GTF2IRD1: variants seen among roughly 807,000 people sequenced by gnomAD.
GTF2IRD1 encodes the protein GTF2I repeat domain containing 1.
Under a neutral mutation model 113.2 loss-of-function variants are expected in GTF2IRD1, and 26 were observed. That is an observed-to-expected ratio of 0.23 (90% CI 0.17 to 0.32). GTF2IRD1 has a LOEUF of 0.32. Among genes scored for constraint, GTF2IRD1 ranks in the 10% least tolerant of loss-of-function variants. The pLI is 1.00. For missense variants in GTF2IRD1, 864 were observed against 1,280.8 expected (o/e 0.67, Z 4.97); for synonymous variants, 484 against 529.1 (o/e 0.91, Z 1.17).
Position 74,545,768 on chromosome 7 carries a change from C to T in GTF2IRD1, c.1691C>T (p.Pro564Leu), listed in dbSNP as rs781792744. 2 of 1,613,086 alleles carry T rather than the reference C, an allele frequency of 1.2e-6. No individual in the cohort carries two copies. Among genetic ancestry groups the T allele is most frequent in the South Asian group, 2.2e-5 (2 of 91,030 alleles). ...GACAGCCACGGTGACGTGATCCGGCCCCTGCGGAAGCAGGTGGAGCTGCTC... is the reference window on the plus strand; with the variant it reads ...GACAGCCACGGTGACGTGATCCGGCTCCTGCGGAAGCAGGTGGAGCTGCTC... ...VEDSHGDVIRPLRKQVELLFN... is the reference protein window; with the variant it reads ...VEDSHGDVIRLLRKQVELLFN... Residue 564 changes from proline (P) to leucine (L), a missense_variant, in exon 16 of 27, where the codon CCC becomes CTC. By Grantham distance (98) the Pro-to-Leu change is moderately conservative. Coordinates refer to ENST00000424337, the MANE Select transcript of GTF2IRD1 (RefSeq NM_005685.4).
chr7:74,487,236 C>T (rs560276673), intron 1 of GTF2IRD1, among the ~76,000 whole-genome samples: 1 of 152,244 alleles, frequency 6.6e-6, no homozygotes, highest in East Asian at 1.9e-4. Context: ...TGAGGTTTCG[C>T]CATGTTGGCC....
chr7:74,477,111 C>G (rs1385466908), intron 1 of GTF2IRD1, among the ~76,000 whole-genome samples: 3 of 152,018 alleles, frequency 2.0e-5, no homozygotes, highest in Non-Finnish European at 4.4e-5. Flanking sequence ...CGCCTGTAAT[C>G]CCAGCACTTT....
intron 1 of GTF2IRD1, among the ~76,000 whole-genome samples, chr7:74,469,866 G>A (rs1309368959): frequency 6.6e-6 from 1 of 151,744 alleles, no homozygotes. Context: ...CACCACCCCT[G>A]ACTAATTTTT....
intron 13 of GTF2IRD1, among the ~76,000 whole-genome samples, chr7:74,539,370 C>A (rs1554351121): frequency 6.6e-6 from 1 of 152,124 alleles, no homozygotes; most frequent in African/African-American, 2.4e-5. Context: ...ATCACTTGAG[C>A]CCAAGAGTTG....
At chr7:74,480,147 C>CTT (rs577657231) in intron 1 of GTF2IRD1, among the ~76,000 whole-genome samples, 1 of 147,446 alleles carries the variant, frequency 6.8e-6, no homozygotes, top group African/African-American at 2.5e-5. Context: ...GTGTTTTAAT[C>CTT]TTTTTTTTTT....
Position 74,480,236 on chromosome 7 carries a change from C to T in GTF2IRD1, c.-7+26060C>T, listed in dbSNP as rs893674347. 4.6e-5 allele frequency among the ~76,000 whole-genome samples: 7 copies of T among 152,208 alleles called. No individual in the cohort carries two copies. The South Asian group carries it at 1.2e-3, about 27-fold the overall frequency. ...AAGGGCAGGAGCACCTGCTGTTGGG[C>T]CCTGTGCGGTGTGGGACACAGTGTG... On this transcript the variant is annotated intron_variant, in intron 1 of 26. Coordinates refer to ENST00000424337, the MANE Select transcript of GTF2IRD1 (RefSeq NM_005685.4).
chr7:74,531,173 C>G (rs1043371462), intron 9 of GTF2IRD1, among the ~76,000 whole-genome samples: 3 of 152,198 alleles, frequency 2.0e-5, no homozygotes, highest in Non-Finnish European at 2.9e-5. Context: ...GAGTTTGAGA[C>G]CAGCCCGGCC....
chr7:74,534,882 G>A (rs1342664941), intron 9 of GTF2IRD1, among the ~76,000 whole-genome samples: 4 of 152,094 alleles, frequency 2.6e-5, no homozygotes, highest in African/African-American at 7.2e-5. Context: ...CAGCCTGGGC[G>A]ACAAAGTGAG....
chr7:74,488,173 C>T (rs1425970076), intron 1 of GTF2IRD1, among the ~76,000 whole-genome samples: 1 of 152,138 alleles, frequency 6.6e-6, no homozygotes, highest in African/African-American at 2.4e-5. Flanking sequence ...GTCCCAGCTA[C>T]TCAGGAGGCT....
At chr7:74,593,327 G>A (rs1165624922) in intron 24 of GTF2IRD1, among the ~76,000 whole-genome samples, 4 of 146,610 alleles carry the variant, frequency 2.7e-5, no homozygotes, top group African/African-American at 1.0e-4. Context: ...TGTAATCCCA[G>A]CACTTTGGGA....
chr7:74,494,834 C>A (rs541984230), intron 1 of GTF2IRD1, among the ~76,000 whole-genome samples: 1 of 152,214 alleles, frequency 6.6e-6, no homozygotes, highest in African/African-American at 2.4e-5. Context: ...TCACTGTAGC[C>A]TCCACTTCCT....
intron 9 of GTF2IRD1, among the ~76,000 whole-genome samples, chr7:74,532,275 T>C (rs1798005527): frequency 6.6e-6 from 1 of 152,166 alleles, no homozygotes; most frequent in Non-Finnish European, 1.5e-5. Context: ...AACTGCAGGC[T>C]GGGCACAGTG....
intron 1 of GTF2IRD1, among the ~76,000 whole-genome samples, chr7:74,470,388 A>G (rs1794010380): frequency 6.6e-6 from 1 of 152,164 alleles, no homozygotes; most frequent in South Asian, 2.1e-4. Context: ...TCACTCTGAA[A>G]AGAAGCCTGT....
chr7:74,499,512 A>G (rs1057228571), intron 1 of GTF2IRD1, among the ~76,000 whole-genome samples: 1 of 152,216 alleles, frequency 6.6e-6, no homozygotes, highest in African/African-American at 2.4e-5. Context: ...ACATCAAGGA[A>G]TGAATGAATG....
chr7:74,568,088 A>G (rs1269487347), intron 22 of GTF2IRD1, among the ~76,000 whole-genome samples: 2 of 150,692 alleles, frequency 1.3e-5, no homozygotes, highest in East Asian at 3.9e-4. Flanking sequence ...CACCCAGCCA[A>G]GAGAGGGTTT....
intron 1 of GTF2IRD1, among the ~76,000 whole-genome samples, chr7:74,454,593 C>CA (rs1304406011): frequency 6.6e-6 from 1 of 151,898 alleles, no homozygotes; most frequent in Admixed American, 6.6e-5. Flanking sequence ...GCCTTTCCCC[C>CA]CTCCACCTTC....
intron 22 of GTF2IRD1, among the ~76,000 whole-genome samples, chr7:74,583,416 C>T (rs1554366779): frequency 7.1e-6 from 1 of 140,486 alleles, no homozygotes; most frequent in East Asian, 2.1e-4. Context: ...TGCCATGTTG[C>T]CCAGGCTGGT....
chr7:74,576,331 C>T (rs1182414223), intron 22 of GTF2IRD1, among the ~76,000 whole-genome samples: 3 of 151,804 alleles, frequency 2.0e-5, no homozygotes, highest in African/African-American at 7.2e-5. Flanking sequence ...GAGGCTGAGG[C>T]GGGCGAATCA....
chr7:74,560,529 T>A (rs1562871099), intron 22 of GTF2IRD1, among the ~76,000 whole-genome samples: 1 of 146,762 alleles, frequency 6.8e-6, no homozygotes, highest in Non-Finnish European at 1.5e-5. Context: ...TTTATATAAT[T>A]AAAATATTAT....
Sources: allele counts gnomAD v4.1 joint callset (sites outside exome capture counted in the v4.1 genomes callset), GRCh38; gene constraint gnomAD v4.1.1; transcripts MANE v1.5; gene names NCBI Gene and HGNC (gene_info 2026-07-23, HGNC 2026-07-21).